The following SRM variants were observed in gnomAD, a reference collection of about 807,000 sequenced individuals.
SRM encodes spermidine synthase.
SRM carries 14 observed loss-of-function variants against 39.3 expected under a neutral mutation model. The observed-to-expected ratio is 0.36, with a 90% confidence interval of 0.24 to 0.56. SRM has a LOEUF of 0.56. SRM is among the 20% of genes least tolerant of loss of function. SRM has a pLI of 0.86. For synonymous variants in SRM, 195 were observed against 173.1 expected, an observed-to-expected ratio of 1.13 and a Z score of -0.99; for missense variants, 244 against 409.2, an observed-to-expected ratio of 0.60 and a Z score of 3.48.
intron 6 of SRM, 137 bp from the exon 7 acceptor site, chr1:11,055,221 G>T: frequency 1.5e-6 from 2 of 1,299,810 alleles, no homozygotes; most frequent in Non-Finnish European, 1.0e-6. Flanking sequence ...AGGTTCAAGT[G>T]ATTCTCCTGC....
intron 3 of SRM, among the ~76,000 whole-genome samples, chr1:11,057,513 A>T (rs1451185023): frequency 7.4e-6 from 1 of 135,882 alleles, no homozygotes; most frequent in African/African-American, 2.8e-5. Flanking sequence ...TGCCCGCCTC[A>T]GCCTCCCAGA....
chr1:11,054,966 C>T lies in SRM; in HGVS notation c.884G>A (p.Arg295His), dbSNP rs756219037. 4.3e-6 allele frequency: 7 copies of T among 1,612,126 alleles called. No homozygotes were observed. Among genetic ancestry groups the T allele is most frequent in the African/African-American group, 1.3e-5 (1 of 74,846 alleles). Residue 295 changes from arginine (R) to histidine (H), a missense_variant, in exon 7 of 8, where the codon CGC becomes CAC. Physicochemically the swap from Arg to His is conservative, Grantham distance 29 (BLOSUM62 0). Coordinates refer to ENST00000376957, the MANE Select transcript of SRM (RefSeq NM_003132.3). This position sits in a 1 kb window ranked among gnomAD's most constrained non-coding sequence, Gnocchi z 4.8. ...RAAFVLPEFA[R>H]KALNDVS ...CCAGCCCCGCAGGCCACCCACCTTGCGGGCAAACTCGGGCAGCACAAAGGC... is the reference window on the plus strand; with the variant it reads ...CCAGCCCCGCAGGCCACCCACCTTGTGGGCAAACTCGGGCAGCACAAAGGC...
intron 6 of SRM, 153 bp from the exon 7 acceptor site, chr1:11,055,237 C>T: frequency 8.3e-7 from 1 of 1,198,276 alleles, no homozygotes; most frequent in South Asian, 1.7e-5. Flanking sequence ...CCTGCCTCAG[C>T]CTCAGGTACG....
At chr1:11,058,962 C>A in intron 2 of SRM, 70 bp from the exon 3 acceptor site, 1 of 1,428,280 alleles carries the variant, frequency 7.0e-7, no homozygotes, top group South Asian at 1.3e-5. Context: ...TGAAGCAGAC[C>A]CCCTGACCCC....
intron 2 of SRM, 99 bp from the exon 3 acceptor site, chr1:11,058,991 T>C: frequency 7.6e-7 from 1 of 1,321,602 alleles, no homozygotes; most frequent in Non-Finnish European, 1.0e-6. Context: ...ACGGGCCTCA[T>C]CTTTTTCTAC....
rs377146770 is a variant in SRM at position 11,055,884 on chromosome 1, C to T, written c.662G>A (p.Arg221Gln). ...WLHLDLIKEM[R>Q]QFCQSLFPVV... ...GGGGAACAGGGACTGGCAGAACTGC[C>T]GCATCTCCTTGATGAGGTCCAGGTG... The change falls in exon 6 of 8, where the codon CGG becomes CAG. Residue 221 changes from arginine to glutamine, a missense_variant. Physicochemically the swap from Arg to Gln is conservative, Grantham distance 43. Transcript: ENST00000376957. 8 of 1,610,820 alleles carry T rather than the reference C, an allele frequency of 5.0e-6. No homozygotes were observed. The highest frequency in any genetic ancestry group is 2.7e-5 in the African/African-American group (2 of 74,848).
intron 4 of SRM, 23 bp downstream of exon 4, chr1:11,056,581 C>A: frequency 6.2e-7 from 1 of 1,613,334 alleles, no homozygotes; most frequent in Admixed American, 1.7e-5. Context: ...GCCAGAAAAC[C>A]CTGGGGCCCA....
chr1:11,054,819 C>G lies in SRM; in HGVS notation c.*46G>C. ...TGGAGGGGCCGAGGCACCCCGCAGG[C>G]TCCAAGGTCCGAGGTCCTGGGTGGC... On this transcript the variant is annotated 3_prime_UTR_variant, in exon 8 of 8. Transcript: ENST00000376957. This position sits in a 1 kb window ranked among gnomAD's most constrained non-coding sequence, Gnocchi z 4.8. 1 of 1,564,502 alleles carries G rather than the reference C, an allele frequency of 6.4e-7. No individual in the cohort carries two copies. Among genetic ancestry groups the G allele is most frequent in the East Asian group, 2.3e-5 (1 of 44,140 alleles).
chr1:11,056,240 T>C (rs1638876571), intron 4 of SRM, 146 bp from the exon 5 acceptor site: 1 of 798,264 alleles, frequency 1.3e-6, no homozygotes, highest in African/African-American at 1.8e-5. Flanking sequence ...CTTGGGGGAG[T>C]CTCATTGGCA....
intron 4 of SRM, 142 bp downstream of exon 4, chr1:11,056,462 G>T: frequency 9.7e-7 from 1 of 1,035,762 alleles, no homozygotes; most frequent in Non-Finnish European, 1.4e-6. Context: ...GTTTCAGAGG[G>T]CAGGTAACAA....
Position 11,058,919 on chromosome 1 carries a change from G to C in SRM, c.289-27C>G, listed in dbSNP as rs538255657. ...TGGGAGGAGGGGGCAGTCAAGGCAG[G>C]GGCCCTGGCAGGACTGGGAGCCCCC... is the stretch of plus-strand genomic sequence containing the variant. On this transcript the variant is annotated intron_variant, in intron 2 of 7. Coordinates refer to ENST00000376957, the MANE Select transcript of SRM (RefSeq NM_003132.3). The C allele has an allele frequency of 5.7e-6, 9 of 1,583,350 alleles. No individual in the cohort carries two copies. The East Asian group carries it at 9.2e-5, about 16-fold the overall frequency.
At chr1:11,055,120 CTTTTTTTTTT>C in intron 6 of SRM, 36 bp from the exon 7 acceptor site, 1 of 1,441,782 alleles carries the variant, frequency 6.9e-7, no homozygotes. Flanking sequence ...AGGGGGGGCA[CTTTTTTTTTT>C]TTTTTTTTGA....
chr1:11,057,467 T>A (rs1638900070), intron 3 of SRM, among the ~76,000 whole-genome samples: 1 of 149,020 alleles, frequency 6.7e-6, no homozygotes, highest in African/African-American at 2.4e-5. Flanking sequence ...CCATTTTTTT[T>A]TTTTTTTTTT....
At chr1:11,059,189 C>A (rs1429508222) in intron 2 of SRM, 36 bp downstream of exon 2, 3 of 1,612,388 alleles carry the variant, frequency 1.9e-6, no homozygotes, top group African/African-American at 1.3e-5. Context: ...TGGGGCCGCC[C>A]CTCGTCCGGC....
chr1:11,056,494 T>A, intron 4 of SRM, 110 bp downstream of exon 4: 2 of 1,341,238 alleles, frequency 1.5e-6, no homozygotes, highest in East Asian at 4.8e-5. Context: ...AAAGTACAGC[T>A]CTAGTTCGGG....
rs1055331656 is a variant in SRM at position 11,056,502 on chromosome 1, G to C, written c.535+102C>G. ...GAAGGGAAAAGTACAGCTCTAGTTC[G>C]GGGGGTGGGAGGCCGCTCTATCCTT... On this transcript the variant is annotated intron_variant, in intron 4 of 7. Transcript: ENST00000376957. 2.2e-6 allele frequency: 3 copies of C among 1,392,110 alleles called. No individual in the cohort carries two copies. The East Asian group carries it at 7.1e-5, about 33-fold the overall frequency. The allele number at this position is 1,392,110 out of a possible 1,614,324, so 86.2% of individuals were successfully genotyped here.
At chr1:11,059,478 G>A (rs547096541) in intron 1 of SRM, 133 bp from the exon 2 acceptor site, 31 of 1,466,404 alleles carry the variant, frequency 2.1e-5, no homozygotes, top group African/African-American at 4.2e-5. Flanking sequence ...GTGACACGTG[G>A]CGAGGAACGG....
chr1:11,058,754 C>G (rs757311403), intron 3 of SRM, 46 bp downstream of exon 3: 2 of 1,526,286 alleles, frequency 1.3e-6, no homozygotes, highest in Non-Finnish European at 1.8e-6. Flanking sequence ...CACAGCTGGC[C>G]GCTGGGAGAA....
At position 11,058,816 on chromosome 1, in the gene SRM, T is replaced by C; in HGVS notation, c.365A>G (p.Gln122Arg). The C allele has an allele frequency of 6.2e-7, 1 of 1,611,016 alleles. No homozygotes were observed. The highest frequency in any genetic ancestry group is 1.1e-5 in the South Asian group (1 of 90,486). Reference protein sequence around the residue: ...VKHPSVESVVQCEIDEDVIQV... With the variant: ...VKHPSVESVVRCEIDEDVIQV... ...GGCACTCACCTCGTCGATCTCACAC[T>C]GGACCACGGACTCCACGGAGGGGTG... The change falls in exon 3 of 8, where the codon CAG becomes CGG. Residue 122 changes from glutamine to arginine, a missense_variant. Coordinates refer to ENST00000376957, the MANE Select transcript of SRM (RefSeq NM_003132.3).
Sources: gnomAD v4.1 joint callset for allele counts (sites outside exome capture counted in the v4.1 genomes callset) on GRCh38, gnomAD v4.1.1 for gene constraint, Gnocchi (gnomAD v3.1) non-coding constraint, MANE v1.5 for transcripts, NCBI Gene and HGNC (gene_info 2026-07-23, HGNC 2026-07-21) for gene names.